The following DCC variants were observed in gnomAD, a reference collection of about 807,000 sequenced individuals.
DCC encodes the protein DCC netrin 1 receptor.
In DCC, 58 loss-of-function variants were observed where a neutral mutation model predicts 172.5. The ratio of observed to expected loss-of-function variants is 0.34; its 90% CI spans 0.27 to 0.42. The LOEUF (loss-of-function observed/expected upper bound fraction) is 0.42, where lower values mean the gene tolerates loss of function less well. Ranked by LOEUF, DCC falls within the 10% of genes least tolerant of loss-of-function variation. The pLI, the probability that DCC is intolerant of heterozygous loss-of-function variation, is 1.00. For missense variants in DCC, 1,740 were observed against 1,791.0 expected (o/e 0.97, Z 0.51); for synonymous variants, 709 against 644.5 (o/e 1.10, Z -1.52).
chr18:53,278,538 G>T (rs2056832336), intron 12 of DCC, among the ~76,000 whole-genome samples: 1 of 152,086 alleles, frequency 6.6e-6, no homozygotes, highest in Admixed American at 6.6e-5. Flanking sequence ...TCTCTGTCTT[G>T]TAGGTCCTCT....
chr18:53,376,588 T>C (rs1479037891), intron 15 of DCC, among the ~76,000 whole-genome samples: 5 of 152,098 alleles, frequency 3.3e-5, no homozygotes, highest in East Asian at 3.9e-4. Context: ...GTGGTAACAA[T>C]AGGGAAGCAA....
chr18:52,840,080 C>A (rs1181503791), intron 2 of DCC, among the ~76,000 whole-genome samples: 2 of 152,164 alleles, frequency 1.3e-5, no homozygotes, highest in East Asian at 3.9e-4. Flanking sequence ...TTCTAGAAGG[C>A]TCCCAGGGGG....
chr18:52,829,619 A>T (rs2038576158), intron 2 of DCC, among the ~76,000 whole-genome samples: 1 of 151,770 alleles, frequency 6.6e-6, no homozygotes, highest in African/African-American at 2.4e-5. Context: ...GACCTCAAGA[A>T]GTGCTTTGTA....
chr18:52,992,955 G>A (rs559389149), intron 5 of DCC, among the ~76,000 whole-genome samples: 1 of 151,102 alleles, frequency 6.6e-6, no homozygotes, highest in African/African-American at 2.4e-5. Flanking sequence ...CTACAGCCTG[G>A]GTGACACAGT....
At chr18:52,549,315 T>G (rs2032699168) in intron 1 of DCC, among the ~76,000 whole-genome samples, 1 of 152,060 alleles carries the variant, frequency 6.6e-6, no homozygotes, top group Non-Finnish European at 1.5e-5. Flanking sequence ...CTTTGATACA[T>G]TCCATCTAAA....
At chr18:52,764,504 C>T (rs1187124702) in intron 2 of DCC, among the ~76,000 whole-genome samples, 1 of 152,174 alleles carries the variant, frequency 6.6e-6, no homozygotes, top group Non-Finnish European at 1.5e-5. Context: ...TGAGCTCTTG[C>T]TTTATTAGTT....
chr18:53,113,703 C>T lies in DCC; in HGVS notation c.1262-43653C>T, dbSNP rs572318896. On this transcript the variant is annotated intron_variant, in intron 7 of 28. Coordinates refer to ENST00000442544, the MANE Select transcript of DCC (RefSeq NM_005215.4). ...TTAAAGCAAAAGCTTTTATTTTTGTCAAAAACCTGCTTTTTTTTTTAAGAA... is the reference window on the plus strand; with the variant it reads ...TTAAAGCAAAAGCTTTTATTTTTGTTAAAAACCTGCTTTTTTTTTTAAGAA... Among the ~76,000 whole-genome samples the T allele has an allele frequency of 4.1e-4, 38 of 92,374 alleles. 1 individual carries two copies. In the South Asian group the frequency reaches 8.3e-3, roughly 20 times the overall value. 60.6% of individuals were successfully genotyped at this position (92,374 alleles called of 152,430 possible).
At chr18:52,385,978 G>A (rs1470037097) in intron 1 of DCC, among the ~76,000 whole-genome samples, 1 of 152,072 alleles carries the variant, frequency 6.6e-6, no homozygotes, top group African/African-American at 2.4e-5. Context: ...TATATAGATA[G>A]CACAGATGTG....
intron 2 of DCC, among the ~76,000 whole-genome samples, chr18:52,783,174 T>C (rs1239998156): frequency 6.6e-6 from 1 of 152,030 alleles, no homozygotes; most frequent in East Asian, 1.9e-4. Flanking sequence ...AAATTCAATT[T>C]ATATAAGCTG....
At chr18:52,563,725 A>G (rs1235706358) in intron 1 of DCC, among the ~76,000 whole-genome samples, 2 of 152,142 alleles carry the variant, frequency 1.3e-5, no homozygotes, top group African/African-American at 4.8e-5. Context: ...TTTCCCTGGA[A>G]CTATATAGAA....
rs1041900589 is a variant in DCC, at chr18:53,020,467, G to C, written c.986-42838G>C. ...CACTGTTCAAGTCTCTGAGTGTTTC[G>C]CTCAAAATTGAACCTGCACCAAAAG... On this transcript the variant is annotated intron_variant, in intron 5 of 28. Transcript: ENST00000442544. Among the ~76,000 whole-genome samples, 3 of 152,066 alleles carry C rather than the reference G, an allele frequency of 2.0e-5. 1 individual carries two copies. The highest frequency in any genetic ancestry group is 4.2e-4 in the South Asian group (2 of 4,812).
chr18:53,147,488 G>GT (rs1356047706), intron 7 of DCC, among the ~76,000 whole-genome samples: 1 of 152,120 alleles, frequency 6.6e-6, no homozygotes, highest in South Asian at 2.1e-4. Flanking sequence ...ATTTATCTTA[G>GT]TTTTATACCC....
At chr18:53,339,338 A>T (rs2057628355) in intron 14 of DCC, among the ~76,000 whole-genome samples, 1 of 152,198 alleles carries the variant, frequency 6.6e-6, no homozygotes, top group Admixed American at 6.5e-5. Flanking sequence ...ATTGGATAAG[A>T]CAACATTGAC....
intron 9 of DCC, among the ~76,000 whole-genome samples, chr18:53,180,624 A>G (rs188226792): frequency 1.5e-3 from 222 of 152,186 alleles, no homozygotes; most frequent in Non-Finnish European, 2.1e-3. Context: ...AACAATGCCA[A>G]TTTCCTCTTC....
intron 1 of DCC, among the ~76,000 whole-genome samples, chr18:52,716,827 T>C (rs758429703): frequency 1.3e-5 from 2 of 152,228 alleles, no homozygotes; most frequent in African/African-American, 4.8e-5. Context: ...CAGTGATAGG[T>C]AACCATTTTT....
chr18:52,916,831 A>G (rs1447185420), intron 3 of DCC, among the ~76,000 whole-genome samples: 11 of 152,172 alleles, frequency 7.2e-5, no homozygotes, highest in Admixed American at 7.2e-4. Context: ...CCAAAACAAC[A>G]TAACAGAACA....
intron 1 of DCC, among the ~76,000 whole-genome samples, chr18:52,543,035 G>C (rs2144707149): frequency 6.6e-6 from 1 of 152,336 alleles, no homozygotes; most frequent in Middle Eastern, 3.4e-3. Flanking sequence ...ACCTCAGTAT[G>C]AGAAGTAGTA....
At chr18:53,277,615 G>A (rs766212985) in intron 12 of DCC, among the ~76,000 whole-genome samples, 1 of 152,090 alleles carries the variant, frequency 6.6e-6, no homozygotes, top group Non-Finnish European at 1.5e-5. Flanking sequence ...ATACAGTTAA[G>A]CAGAAAATCA....
In DCC at chr18:53,338,331, C is replaced by A. The variant is rs950462209; in HGVS notation, c.2165-1382C>A. ...TAAATATTTATTAATTGGCTGGGCA[C>A]GATGGCTCAAGCCTGTAATCCCAGA... On this transcript the variant is annotated intron_variant, in intron 14 of 28. Transcript: ENST00000442544. Among the ~76,000 whole-genome samples the A allele has an allele frequency of 2.0e-5, 3 of 152,164 alleles. No homozygotes were observed. The East Asian group carries it at 5.8e-4, about 29-fold the overall frequency.
Sources: allele counts gnomAD v4.1 joint callset (sites outside exome capture counted in the v4.1 genomes callset), GRCh38; gene constraint gnomAD v4.1.1; transcripts MANE v1.5; gene names NCBI Gene and HGNC (gene_info 2026-07-23, HGNC 2026-07-21).